Variants in MCTP2 observed in about 807,000 individuals in gnomAD.
MCTP2 encodes the protein multiple C2 and transmembrane domain containing 2, also known as multiple C2 and transmembrane domain-containing protein 2.
In MCTP2, 132 loss-of-function variants were observed where a neutral mutation model predicts 111.6. The observed-to-expected ratio is 1.18, with a 90% confidence interval of 1.03 to 1.37. MCTP2 has a LOEUF of 1.37. Among genes scored for constraint, MCTP2 ranks in the 40% most tolerant of loss-of-function variants. The probability of loss-of-function intolerance (pLI) is 0.00; values close to 1 mark genes in which losing one functional copy is unlikely to be tolerated. For synonymous variants in MCTP2, 395 were observed against 387.7 expected (o/e 1.02, Z -0.22); for missense variants, 1,183 against 1,067.9 (o/e 1.11, Z -1.50).
At chr15:94,361,767 A>G (rs1008121481) in intron 10 of MCTP2, among the ~76,000 whole-genome samples, 1 of 152,198 alleles carries the variant, frequency 6.6e-6, no homozygotes, top group Non-Finnish European at 1.5e-5. Flanking sequence ...CGTCAAGGAC[A>G]TGGTAGGAGG....
At chr15:94,387,012 T>G (rs557138357) in intron 14 of MCTP2, among the ~76,000 whole-genome samples, 1 of 152,258 alleles carries the variant, frequency 6.6e-6, no homozygotes, top group Non-Finnish European at 1.5e-5. Context: ...GCATTTAAAG[T>G]AGGCTTTCCC....
chr15:94,303,313 A>G (rs906374623), intron 2 of MCTP2, among the ~76,000 whole-genome samples: 5 of 151,784 alleles, frequency 3.3e-5, no homozygotes, highest in African/African-American at 9.7e-5. Context: ...GAGGGCAGGA[A>G]GCATCCAGCA....
chr15:94,468,475 C>T (rs1406290846), intron 20 of MCTP2, among the ~76,000 whole-genome samples: 5 of 150,346 alleles, frequency 3.3e-5, no homozygotes, highest in Non-Finnish European at 7.4e-5. Flanking sequence ...AAATAATAGC[C>T]CCAGGCCAAA....
intron 1 of MCTP2, among the ~76,000 whole-genome samples, chr15:94,243,376 C>T (rs1171080368): frequency 7.5e-6 from 1 of 134,036 alleles, no homozygotes; most frequent in Non-Finnish European, 1.6e-5. Context: ...TGCGTATGTA[C>T]ATACATACGT....
Position 94,370,096 on chromosome 15 carries a change from A to T in MCTP2, c.1498A>T (p.Asn500Tyr). The T allele has an allele frequency of 1.2e-6, 2 of 1,611,350 alleles. No homozygotes were observed. The highest frequency in any genetic ancestry group is 1.7e-6 in the Non-Finnish European group (2 of 1,178,796). ...CCTTTTCAACCCTCAGTGCTTACAG[A>T]ACTCCCTGAAAGATGTGAAAGACGT... ...KQITQRYCLQ[N>Y]SLKDVKDVGI... Residue 500 changes from asparagine (N) to tyrosine (Y), a missense_variant, in exon 12 of 23, where the codon AAC becomes TAC. Asn to Tyr is a moderately radical substitution (Grantham distance 143, BLOSUM62 -2). Transcript: ENST00000357742.
rs116742635 is a variant in MCTP2 at position 94,273,653 on chromosome 15, C to T, written c.-65-24548C>T. 3.8e-3 allele frequency: 739 copies of T among 196,596 alleles called. 5 individuals are homozygous for T. Among genetic ancestry groups the T allele is most frequent in the African/African-American group, 0.016 (683 of 43,156 alleles). The allele number at this position is 196,596 out of a possible 1,614,324, so 12.2% of individuals were successfully genotyped here. ...GCTCCATGCCCATCTGCAAGGACCA[C>T]GAGGTCCAGGTGGTTTGAGGACACT... On this transcript the variant is annotated intron_variant, in intron 1 of 22. Coordinates refer to ENST00000357742, the MANE Select transcript of MCTP2 (RefSeq NM_001385001.1).
At chr15:94,249,488 C>CT (rs58538119) in intron 1 of MCTP2, among the ~76,000 whole-genome samples, 1,926 of 142,714 alleles carry the variant, frequency 0.013, 20 homozygotes, top group African/African-American at 0.032. Context: ...GTCTCAGAAT[C>CT]TTTTTTTTTT....
intron 21 of MCTP2, among the ~76,000 whole-genome samples, 198 bp downstream of exon 21, chr15:94,470,640 A>G (rs1026815678): frequency 6.6e-6 from 1 of 152,224 alleles, no homozygotes; most frequent in African/African-American, 2.4e-5. Flanking sequence ...AGATATTTAT[A>G]GGCCTCTTGC....
intron 18 of MCTP2, among the ~76,000 whole-genome samples, chr15:94,440,930 G>T (rs995998113): frequency 6.6e-6 from 1 of 151,996 alleles, no homozygotes; most frequent in African/African-American, 2.4e-5. Context: ...CCTGCTCCTG[G>T]CCCCCTCATT....
chr15:94,289,503 G>A (rs1379356425), intron 1 of MCTP2, among the ~76,000 whole-genome samples: 1 of 151,834 alleles, frequency 6.6e-6, no homozygotes, highest in Non-Finnish European at 1.5e-5. Flanking sequence ...GGTACAAGAA[G>A]GAAATATGGA....
At chr15:94,267,552 CTT>C (rs1173342350) in intron 1 of MCTP2, among the ~76,000 whole-genome samples, 2 of 152,092 alleles carry the variant, frequency 1.3e-5, no homozygotes, top group South Asian at 2.1e-4. Context: ...GTGGAGATCT[CTT>C]TTAATTTCTC....
intron 14 of MCTP2, among the ~76,000 whole-genome samples, chr15:94,388,158 C>T (rs142173486): frequency 1.1e-3 from 166 of 152,270 alleles, no homozygotes; most frequent in African/African-American, 3.7e-3. Flanking sequence ...TTGATTTGTT[C>T]CACATTATGT....
At chr15:94,236,300 G>T (rs368014072) in intron 1 of MCTP2, among the ~76,000 whole-genome samples, 32 of 148,064 alleles carry the variant, frequency 2.2e-4, no homozygotes, top group African/African-American at 8.0e-4. Context: ...CAGAAGAGCT[G>T]TGCCTTGTCC....
chr15:94,326,568 G>T (rs1300413696), intron 4 of MCTP2, among the ~76,000 whole-genome samples: 4 of 149,712 alleles, frequency 2.7e-5, no homozygotes, highest in South Asian at 2.1e-4. Context: ...GAATATTATT[G>T]TTACTTTTTT....
intron 3 of MCTP2, chr15:94,314,766 G>A (rs1299591271): frequency 4.4e-6 from 2 of 458,490 alleles, no homozygotes; most frequent in Non-Finnish European, 8.7e-6. Context: ...ATTTAATTGG[G>A]CTCATGTAAT....
chr15:94,395,484 T>C (rs2081234929), intron 14 of MCTP2, among the ~76,000 whole-genome samples: 1 of 152,324 alleles, frequency 6.6e-6, no homozygotes, highest in East Asian at 1.9e-4. Context: ...ATTCATTGCA[T>C]CAAAGATCTT....
chr15:94,349,066 G>C (rs1052681447), intron 8 of MCTP2, among the ~76,000 whole-genome samples: 2 of 151,948 alleles, frequency 1.3e-5, no homozygotes, highest in Admixed American at 6.5e-5. Context: ...TATTTCATCT[G>C]TCAATCAATC....
At chr15:94,303,356 A>C (rs1275610680) in intron 2 of MCTP2, among the ~76,000 whole-genome samples, 1 of 151,844 alleles carries the variant, frequency 6.6e-6, no homozygotes, top group African/African-American at 2.4e-5. Flanking sequence ...AGGCTAGGCC[A>C]GTCTGTTTTC....
intron 2 of MCTP2, among the ~76,000 whole-genome samples, chr15:94,301,897 A>G (rs1252399802): frequency 6.6e-6 from 1 of 150,740 alleles, no homozygotes; most frequent in Non-Finnish European, 1.5e-5. Context: ...GAGTTTGGGA[A>G]TTGGTTCCTC....
Sources: gnomAD v4.1 joint callset for allele counts (sites outside exome capture counted in the v4.1 genomes callset) on GRCh38, gnomAD v4.1.1 for gene constraint, MANE v1.5 for transcripts, NCBI Gene and HGNC (gene_info 2026-07-23, HGNC 2026-07-21) for gene names.